The following CST4 variants were observed in gnomAD, a reference collection of about 807,000 sequenced individuals.
CST4 encodes cystatin-S.
CST4 carries 17 observed loss-of-function variants against 11.2 expected under a neutral mutation model. That is an observed-to-expected ratio of 1.52 (90% confidence interval 1.04 to 2.27). The LOEUF is 2.27. CST4 is among the 30% of genes most tolerant of loss of function. CST4 has a pLI of 0.00. For synonymous variants in CST4, 93 were observed against 70.1 expected, an observed-to-expected ratio of 1.33 and a Z score of -1.63; for missense variants, 251 against 180.2, an observed-to-expected ratio of 1.39 and a Z score of -2.25.
chr20:23,686,209 G>A (rs1288007884), intron 2 of CST4, among the ~76,000 whole-genome samples: 4 of 152,178 alleles, frequency 2.6e-5, no homozygotes, highest in African/African-American at 9.6e-5. Flanking sequence ...AGCCTGCAGT[G>A]TCCTGTCCCA....
intron 1 of CST4, 53 bp from the exon 2 acceptor site, chr20:23,687,254 A>T: frequency 1.3e-6 from 2 of 1,573,704 alleles, no homozygotes; most frequent in Middle Eastern, 1.7e-4. Context: ...CAGTTCATGC[A>T]CTCACAGGCA....
chr20:23,687,008 A>C (rs1182842752), intron 2 of CST4, 80 bp downstream of exon 2: 1 of 1,586,868 alleles, frequency 6.3e-7, no homozygotes, highest in Non-Finnish European at 8.7e-7. Context: ...ACACCGTCCA[A>C]ACATGGGTAG....
chr20:23,688,573 C>A (rs767923074), intron 1 of CST4, among the ~76,000 whole-genome samples, 169 bp downstream of exon 1: 4 of 152,120 alleles, frequency 2.6e-5, no homozygotes, highest in African/African-American at 9.7e-5. Context: ...GTGCATGGAC[C>A]GGGAGCATGC....
chr20:23,686,675 G>A (rs1464577136), intron 2 of CST4, among the ~76,000 whole-genome samples: 1 of 152,064 alleles, frequency 6.6e-6, no homozygotes, highest in East Asian at 1.9e-4. Context: ...TGACCTTCTA[G>A]TAACCATTCC....
chr20:23,688,759 G>T lies in CST4; in HGVS notation c.211C>A (p.Leu71Met). The T allele has an allele frequency of 6.2e-7, 1 of 1,614,158 alleles. No individual in the cohort carries two copies. The highest frequency in any genetic ancestry group is 8.5e-7 in the Non-Finnish European group (1 of 1,180,018). ...GCACCCACCTGCTCCCTGGCTCGCA[G>T]CACCTGCAGCGGGCGTCTGTAGTAC... ...DEYYRRPLQV[L>M]RAREQTFGGV... Residue 71 changes from leucine to methionine, a missense_variant, in exon 1 of 3, where the codon CTG becomes ATG. Coordinates refer to ENST00000217423, the MANE Select transcript of CST4 (RefSeq NM_001899.3).
rs1211770194 is a variant in CST4 at position 23,687,225 on chromosome 20, G to T, written c.229-24C>A. On this transcript the variant is annotated intron_variant, in intron 1 of 2. Transcript: ENST00000217423. ...GTCTGCACACAGGAGAAAACAGGAAGCACGGACAGCGCCCCCATCAGTTCA... is the reference window on the plus strand; with the variant it reads ...GTCTGCACACAGGAGAAAACAGGAATCACGGACAGCGCCCCCATCAGTTCA... 1.9e-6 allele frequency: 3 copies of T among 1,607,632 alleles called. No homozygotes were observed. In the Admixed American group the frequency reaches 5.0e-5, roughly 27 times the overall value.
At chr20:23,688,450 A>G (rs1418789436) in intron 1 of CST4, among the ~76,000 whole-genome samples, 8 of 152,204 alleles carry the variant, frequency 5.3e-5, no homozygotes, top group African/African-American at 1.9e-4. Context: ...ACCCAGAGTC[A>G]GCACAGTCTC....
chr20:23,688,211 G>T (rs532744909), intron 1 of CST4, among the ~76,000 whole-genome samples: 1 of 152,208 alleles, frequency 6.6e-6, no homozygotes, highest in Admixed American at 6.5e-5. Flanking sequence ...AGGGCCAGGC[G>T]TGCTCCACCC....
chr20:23,687,830 A>G (rs1461617090), intron 1 of CST4, among the ~76,000 whole-genome samples: 1 of 152,208 alleles, frequency 6.6e-6, no homozygotes, highest in Non-Finnish European at 1.5e-5. Context: ...TTACCCATGT[A>G]TAAAATAGGC....
intron 2 of CST4, among the ~76,000 whole-genome samples, chr20:23,686,651 C>G (rs1981051525): frequency 6.6e-6 from 1 of 152,116 alleles, no homozygotes; most frequent in Admixed American, 6.5e-5. Flanking sequence ...AGGCAACACC[C>G]CAAAGCAGGC....
chr20:23,686,415 G>C (rs71338676), intron 2 of CST4, among the ~76,000 whole-genome samples: 1 of 152,160 alleles, frequency 6.6e-6, no homozygotes, highest in Admixed American at 6.5e-5. Context: ...GCAACAAGGG[G>C]AGTGCCGCTC....
Position 23,687,388 on chromosome 20 carries a change from T to C in CST4, c.229-187A>G, listed in dbSNP as rs1981083778. ...GGGTGCTGAGCCTCATGCCCGCTCT[T>C]AAACATCGTTTTCTCTGTGCTGGGT... On this transcript the variant is annotated intron_variant, in intron 1 of 2. Transcript: ENST00000217423. 3.9e-5 allele frequency among the ~76,000 whole-genome samples: 6 copies of C among 152,200 alleles called. No individual in the cohort carries two copies. The South Asian group carries it at 1.2e-3, about 32-fold the overall frequency.
intron 2 of CST4, among the ~76,000 whole-genome samples, chr20:23,686,390 G>A (rs1276780498): frequency 6.6e-6 from 1 of 152,136 alleles, no homozygotes; most frequent in African/African-American, 2.4e-5. Flanking sequence ...CAAAGAGCTG[G>A]GGCATGGGTC....
At chr20:23,686,189 C>T (rs2405667) in intron 2 of CST4, among the ~76,000 whole-genome samples, 1 of 152,002 alleles carries the variant, frequency 6.6e-6, no homozygotes, top group Non-Finnish European at 1.5e-5. Context: ...TGGCATTGGG[C>T]CCCCACCCCA....
intron 1 of CST4, among the ~76,000 whole-genome samples, 177 bp from the exon 2 acceptor site, chr20:23,687,378 T>C (rs532357259): frequency 6.6e-6 from 1 of 152,188 alleles, no homozygotes; most frequent in African/African-American, 2.4e-5. Flanking sequence ...CTGAGCCTCA[T>C]GCCCGCTCTT....
rs751038915 is a variant in CST4 at position 23,688,743 on chromosome 20, T to C, written c.227A>G (p.Gln76Arg). The C allele has an allele frequency of 2.5e-6, 4 of 1,614,016 alleles. No homozygotes were observed. The highest frequency in any genetic ancestry group is 3.4e-6 in the Non-Finnish European group (4 of 1,180,014). ...RPLQVLRARE[Q>R]TFGGVNYFFD... ...CCCTCGGGTGGAGGCAGCACCCACC[T>C]GCTCCCTGGCTCGCAGCACCTGCAG... Residue 76 changes from glutamine (Q) to arginine (R), a missense_variant and splice_region_variant, in exon 1 of 3, where the codon CAG becomes CGG. By Grantham distance (43) the Gln-to-Arg change is conservative (BLOSUM62 1). Transcript: ENST00000217423.
chr20:23,686,118 C>T (rs2405662), intron 2 of CST4, 141 bp from the exon 3 acceptor site: 3 of 873,514 alleles, frequency 3.4e-6, no homozygotes, highest in African/African-American at 3.3e-5. Flanking sequence ...AGTCCCAGAG[C>T]ACTGAACTAG....
rs543143792 is a variant in CST4 at position 23,685,642 on chromosome 20, C to T, written c.*252G>A. The T allele has an allele frequency of 1.2e-4, 65 of 550,864 alleles. No homozygotes were observed. Among genetic ancestry groups the T allele is most frequent in the Non-Finnish European group, 1.6e-4 (48 of 306,998 alleles). 34.1% of individuals were successfully genotyped at this position (550,864 alleles called of 1,614,324 possible). A position where few individuals can be genotyped will look rare whatever the true frequency, so the allele number is the denominator to read the frequency against. Reference sequence around the variant, plus strand: ...AGACAGCCAAGAACTCAGAGGGAGGCGATGCTACTGTTTAATTGCAGGAGG... The same window carrying T: ...AGACAGCCAAGAACTCAGAGGGAGGTGATGCTACTGTTTAATTGCAGGAGG... On this transcript the variant is annotated 3_prime_UTR_variant, in exon 3 of 3. Transcript: ENST00000217423.
In CST4 at chr20:23,688,859, T is replaced by G; in HGVS notation, c.111A>C (p.Ala37=). The G allele has an allele frequency of 6.2e-7, 1 of 1,614,176 alleles. No individual in the cohort carries two copies. The highest frequency in any genetic ancestry group is 8.5e-7 in the Non-Finnish European group (1 of 1,180,022). ...NRIIPGGIYD[A]DLNDEWVQRA... is the part of the protein sequence containing the mutation. The stretch of plus-strand genomic sequence containing the variant: ...GCTGTACCCACTCATCATTGAGGTC[T>G]GCATCATAGATGCCACCTGGGATTA... The change falls in exon 1 of 3, where the codon GCA becomes GCC. Residue 37 remains alanine (A), a synonymous_variant. Transcript: ENST00000217423.
Sources: gnomAD v4.1 joint callset for allele counts (sites outside exome capture counted in the v4.1 genomes callset) on GRCh38, gnomAD v4.1.1 for gene constraint, MANE v1.5 for transcripts, NCBI Gene and HGNC (gene_info 2026-07-23, HGNC 2026-07-21) for gene names.